Variants in EVL observed in about 807,000 individuals in gnomAD.
EVL encodes the protein Enah/Vasp-like.
EVL carries 21 observed loss-of-function variants against 59.6 expected under a neutral mutation model. That is an observed-to-expected ratio of 0.35 (90% confidence interval 0.25 to 0.51). EVL has a LOEUF of 0.51. EVL is among the 20% of genes least tolerant of loss of function. The pLI is 0.97. For synonymous variants in EVL, 198 were observed against 203.5 expected (o/e 0.97, Z 0.23); for missense variants, 462 against 546.6 (o/e 0.85, Z 1.54).
At chr14:100,029,178 G>C (rs1055016733) in intron 1 of EVL, among the ~76,000 whole-genome samples, 1 of 152,194 alleles carries the variant, frequency 6.6e-6, no homozygotes, top group South Asian at 2.1e-4. Context: ...AGTTGCTTAT[G>C]CTAATAACAA....
chr14:100,062,165 C>T (rs996322881), upstream of EVL, among the ~76,000 whole-genome samples: 36 of 151,234 alleles, frequency 2.4e-4, no homozygotes, highest in African/African-American at 8.8e-4. Flanking sequence ...TATAATGGAC[C>T]TGTGAAGGTC....
At position 100,143,798 on chromosome 14, in the gene EVL, G is replaced by A; in HGVS notation, c.*60G>A. ...ATCCGGCGACAGAGGACAGCCAGAA[G>A]CCCAGCCAGCCCCAGACTCCAGTGC... On this transcript the variant is annotated 3_prime_UTR_variant, in exon 14 of 14. Transcript: ENST00000392920. 1.3e-6 allele frequency: 2 copies of A among 1,581,296 alleles called. No homozygotes were observed. Among genetic ancestry groups the A allele is most frequent in the Non-Finnish European group, 1.7e-6 (2 of 1,162,830 alleles).
Position 99,987,041 on chromosome 14 carries a change from A to C in EVL, c.5+14984A>C, listed in dbSNP as rs2060844164. 3.3e-5 allele frequency among the ~76,000 whole-genome samples: 5 copies of C among 152,328 alleles called. 1 individual carries two copies. The South Asian group carries it at 8.3e-4, about 25-fold the overall frequency. On this transcript the variant is annotated intron_variant, in intron 1 of 13. Coordinates refer to the EVL transcript ENST00000402714. ...GCACCAAAAGCACAAATGACCAATA[A>C]ATAAATAAATTGGATTTTATCAAAA...
chr14:100,102,984 C>T (rs1329517455), intron 3 of EVL, among the ~76,000 whole-genome samples: 1 of 151,838 alleles, frequency 6.6e-6, no homozygotes, highest in Non-Finnish European at 1.5e-5. Context: ...CACCTCTAGT[C>T]CCAGCTACTT....
At chr14:100,088,025 A>G (rs57730698) in intron 2 of EVL, among the ~76,000 whole-genome samples, 13,064 of 152,306 alleles carry the variant, frequency 0.086, 941 homozygotes, top group African/African-American at 0.18. Flanking sequence ...CTCACTTTCA[A>G]TGTGGACCCC....
chr14:100,137,638 T>C lies in EVL; in HGVS notation c.1025T>C (p.Leu342Pro), dbSNP rs752249231. ...GTGGAGAAGCCTGTGTCCTCGATTCTGTCCAGGTGAGCTGCCCCAGGAAGG... is the reference window on the plus strand; with the variant it reads ...GTGGAGAAGCCTGTGTCCTCGATTCCGTCCAGGTGAGCTGCCCCAGGAAGG... ...NSVEKPVSSI[L>P]SRTPSVAKSP... Residue 342 changes from leucine (L) to proline (P), a missense_variant, in exon 10 of 14, where the codon CTG (leucine) becomes CCG (proline). Physicochemically the swap from Leu to Pro is moderately conservative, Grantham distance 98 (BLOSUM62 -3). Transcript: ENST00000392920. The C allele has an allele frequency of 1.9e-6, 3 of 1,614,142 alleles. No individual in the cohort carries two copies. In the South Asian group the frequency reaches 3.3e-5, roughly 18 times the overall value.
chr14:100,018,620 C>T (rs1045743352), intron 1 of EVL, among the ~76,000 whole-genome samples: 3 of 152,158 alleles, frequency 2.0e-5, no homozygotes, highest in East Asian at 1.9e-4. Flanking sequence ...GCTGCGTGAG[C>T]GGGTGAGGGG....
chr14:100,109,384 A>C lies in EVL; in HGVS notation c.358+11726A>C, dbSNP rs999171163. The C allele has an allele frequency of 2.8e-6, 1 of 359,544 alleles. No homozygotes were observed. The highest frequency in any genetic ancestry group is 3.8e-5 in the Admixed American group (1 of 26,628). 22.3% of individuals were successfully genotyped at this position (359,544 alleles called of 1,614,324 possible). A position where few individuals can be genotyped will look rare whatever the true frequency, so the allele number is the denominator to read the frequency against. ...CAGAAGACCTCAGGCACCCCTTCCC[A>C]GTCCTCGCACACTGTTGGTGTCCCA... On this transcript the variant is annotated intron_variant, in intron 3 of 13. Coordinates refer to ENST00000392920, the MANE Select transcript of EVL (RefSeq NM_016337.3). This position sits in a 1 kb window ranked among gnomAD's most constrained non-coding sequence, Gnocchi z 4.3.
At chr14:99,986,951 T>C (rs1386049315) in intron 1 of EVL, among the ~76,000 whole-genome samples, 1 of 152,206 alleles carries the variant, frequency 6.6e-6, no homozygotes, top group East Asian at 1.9e-4. Flanking sequence ...TTTAGAACTC[T>C]TATGGGAGAA....
chr14:100,128,772 G>A (rs1260465525), intron 6 of EVL, 24 bp downstream of exon 6: 19 of 1,591,328 alleles, frequency 1.2e-5, no homozygotes, highest in Non-Finnish European at 1.5e-5. Flanking sequence ...TGTGCGGGGT[G>A]GGAATGGGAC....
chr14:100,070,959 G>T (rs779625712), intron 1 of EVL, among the ~76,000 whole-genome samples: 1 of 152,176 alleles, frequency 6.6e-6, no homozygotes, highest in Non-Finnish European at 1.5e-5. Flanking sequence ...GGGCTACGCC[G>T]GTGGCCTTGA....
intron 1 of EVL, among the ~76,000 whole-genome samples, chr14:100,040,423 A>G (rs764481842): frequency 2.6e-5 from 4 of 151,960 alleles, no homozygotes; most frequent in Admixed American, 6.6e-5. Flanking sequence ...TCTTTTTGTC[A>G]TTGTTTCCCC....
intron 9 of EVL, 63 bp downstream of exon 9, chr14:100,136,031 C>T (rs374668677): frequency 1.3e-6 from 2 of 1,568,138 alleles, no homozygotes; most frequent in Non-Finnish European, 1.8e-6. Context: ...AGGGGGGACC[C>T]TTCGGACAGG....
intron 1 of EVL, among the ~76,000 whole-genome samples, chr14:100,076,732 G>A (rs2140288949): frequency 6.6e-6 from 1 of 152,342 alleles, no homozygotes; most frequent in African/African-American, 2.4e-5. Context: ...AGGCCACAGA[G>A]TGCGGGGGGT....
At position 100,097,589 on chromosome 14, in the gene EVL, A is replaced by G; in HGVS notation, c.289A>G (p.Lys97Glu). 1 of 1,614,210 alleles carries G rather than the reference A, an allele frequency of 6.2e-7. No homozygotes were observed. The highest frequency in any genetic ancestry group is 8.5e-7 in the Non-Finnish European group (1 of 1,180,038). Reference sequence around the variant, plus strand: ...GGTCTACGGCTTAAACTTTGCAAGTAAAGAAGAGGCAACCACGTTCTCCAA... The same window carrying G: ...GGTCTACGGCTTAAACTTTGCAAGTGAAGAAGAGGCAACCACGTTCTCCAA... ...RQVYGLNFAS[K>E]EEATTFSNAM... Residue 97 changes from lysine (K) to glutamate (E), a missense_variant, in exon 3 of 14, where the codon AAA becomes GAA. Coordinates refer to ENST00000392920, the MANE Select transcript of EVL (RefSeq NM_016337.3).
At chr14:100,110,185 C>G (rs1348521990) in intron 3 of EVL, among the ~76,000 whole-genome samples, 1 of 152,136 alleles carries the variant, frequency 6.6e-6, no homozygotes, top group Non-Finnish European at 1.5e-5. Flanking sequence ...CCTGCCTGGT[C>G]AACATAGCAA....
At chr14:99,976,820 C>G (rs1406860444) in intron 1 of EVL, among the ~76,000 whole-genome samples, 1 of 152,210 alleles carries the variant, frequency 6.6e-6, no homozygotes, top group African/African-American at 2.4e-5. Flanking sequence ...CAGCGCCAAT[C>G]TTTTAGCATT....
intron 1 of EVL, among the ~76,000 whole-genome samples, chr14:100,076,743 G>A (rs1310240055): frequency 6.6e-6 from 1 of 152,186 alleles, no homozygotes; most frequent in Non-Finnish European, 1.5e-5. Context: ...TGCGGGGGGT[G>A]GAGTGTTAGG....
intron 1 of EVL, chr14:99,977,939 A>C (rs1205666694): frequency 6.6e-6 from 1 of 151,908 alleles, no homozygotes; most frequent in Non-Finnish European, 1.5e-5. Flanking sequence ...TCTACTAAAA[A>C]TACAACAGTT....
Sources: allele counts gnomAD v4.1 joint callset (sites outside exome capture counted in the v4.1 genomes callset), GRCh38; gene constraint gnomAD v4.1.1; non-coding constraint Gnocchi (gnomAD v3.1); transcripts MANE v1.5; gene names NCBI Gene and HGNC (gene_info 2026-07-23, HGNC 2026-07-21).